FSIP1: variants seen among roughly 807,000 people sequenced by gnomAD.
The protein encoded by FSIP1 is fibrous sheath interacting protein 1.
Under a neutral mutation model 60.9 loss-of-function variants are expected in FSIP1, and 65 were observed. The ratio of observed to expected loss-of-function variants is 1.07; its 90% CI spans 0.87 to 1.31. The LOEUF (loss-of-function observed/expected upper bound fraction) is 1.31. Ranked by LOEUF, FSIP1 falls within the 40% of genes most tolerant of loss-of-function variation. The probability of loss-of-function intolerance (pLI) is 0.00; values close to 1 mark genes in which losing one functional copy is unlikely to be tolerated. For missense variants in FSIP1, 675 were observed against 665.5 expected, an observed-to-expected ratio of 1.01 and a Z score of -0.16; for synonymous variants, 209 against 221.2, an observed-to-expected ratio of 0.94 and a Z score of 0.49.
chr15:39,709,632 T>C (rs1161939067), intron 10 of FSIP1, among the ~76,000 whole-genome samples: 1 of 152,002 alleles, frequency 6.6e-6, no homozygotes, highest in African/African-American at 2.4e-5. Flanking sequence ...TCTCAGACAG[T>C]GGTCCCCAAC....
intron 8 of FSIP1, among the ~76,000 whole-genome samples, chr15:39,732,544 G>C (rs1431674353): frequency 6.6e-6 from 1 of 151,148 alleles, no homozygotes; most frequent in Non-Finnish European, 1.5e-5. Flanking sequence ...ACTTGAGCCC[G>C]GGAGGCAGGG....
intron 8 of FSIP1, among the ~76,000 whole-genome samples, chr15:39,736,661 T>C (rs1223653477): frequency 1.3e-5 from 2 of 151,990 alleles, no homozygotes; most frequent in Non-Finnish European, 2.9e-5. Context: ...TTTAGACTTA[T>C]AGCAAAAAAA....
chr15:39,608,356 A>G (rs1890901269), intron 11 of FSIP1, among the ~76,000 whole-genome samples: 1 of 152,198 alleles, frequency 6.6e-6, no homozygotes, highest in African/African-American at 2.4e-5. Context: ...CTACCCAGTG[A>G]CAGATATGCA....
intron 5 of FSIP1, among the ~76,000 whole-genome samples, chr15:39,763,358 TACAA>T: frequency 6.6e-6 from 1 of 152,094 alleles, no homozygotes; most frequent in Non-Finnish European, 1.5e-5. Flanking sequence ...CAAATATACA[TACAA>T]ACAAAGGAGA....
chr15:39,733,596 AT>A (rs1286581529), intron 8 of FSIP1, among the ~76,000 whole-genome samples: 1 of 152,136 alleles, frequency 6.6e-6, no homozygotes, highest in Non-Finnish European at 1.5e-5. Context: ...ATATACCTGA[AT>A]CCCCCTTCTC....
intron 5 of FSIP1, among the ~76,000 whole-genome samples, chr15:39,758,695 C>T (rs1211596271): frequency 2.6e-5 from 4 of 151,914 alleles, no homozygotes; most frequent in African/African-American, 7.3e-5. Flanking sequence ...CTTTTACAAT[C>T]TCTTTTTTAA....
intron 10 of FSIP1, among the ~76,000 whole-genome samples, chr15:39,676,537 C>T (rs995336285): frequency 6.6e-6 from 1 of 152,176 alleles, no homozygotes; most frequent in Non-Finnish European, 1.5e-5. Context: ...TGTGTGTTCA[C>T]GGAGCAGCTC....
At chr15:39,727,622 C>T (rs1896247781) in intron 8 of FSIP1, among the ~76,000 whole-genome samples, 1 of 152,152 alleles carries the variant, frequency 6.6e-6, no homozygotes, top group Non-Finnish European at 1.5e-5. Context: ...GAACACAGAA[C>T]AGAATCCAGA....
At chr15:39,767,833 C>T (rs1477670530) in intron 3 of FSIP1, among the ~76,000 whole-genome samples, 15 of 152,230 alleles carry the variant, frequency 9.9e-5, no homozygotes, top group Admixed American at 6.5e-4. Context: ...TCACTGAGAG[C>T]TACCTCTACC....
At chr15:39,738,249 A>C (rs1566908354) in intron 7 of FSIP1, 48 bp from the exon 8 acceptor site, 2 of 1,243,666 alleles carry the variant, frequency 1.6e-6, no homozygotes, top group Non-Finnish European at 2.3e-6. Flanking sequence ...GGAAATTCAC[A>C]GTTCAGGAAA....
intron 11 of FSIP1, among the ~76,000 whole-genome samples, chr15:39,602,947 C>T (rs979075669): frequency 2.0e-5 from 3 of 152,098 alleles, no homozygotes; most frequent in Non-Finnish European, 4.4e-5. Flanking sequence ...CCTAGAACAA[C>T]GGTCCTCAAC....
intron 10 of FSIP1, among the ~76,000 whole-genome samples, chr15:39,710,052 C>T (rs1163871581): frequency 1.3e-5 from 2 of 152,156 alleles, no homozygotes; most frequent in Non-Finnish European, 1.5e-5. Context: ...AATATCTAGT[C>T]ATCTATGAGG....
intron 10 of FSIP1, among the ~76,000 whole-genome samples, chr15:39,702,996 T>C (rs1895121371): frequency 1.3e-5 from 2 of 151,658 alleles, no homozygotes; most frequent in Non-Finnish European, 2.9e-5. Context: ...TTTTTTTTTT[T>C]TTTTAGATGG....
intron 10 of FSIP1, among the ~76,000 whole-genome samples, chr15:39,644,097 T>A (rs966712427): frequency 1.3e-5 from 2 of 152,226 alleles, no homozygotes; most frequent in African/African-American, 4.8e-5. Context: ...GACACCCAGT[T>A]ACACTTTGAG....
intron 10 of FSIP1, among the ~76,000 whole-genome samples, chr15:39,669,407 G>T (rs1458422594): frequency 1.3e-5 from 2 of 152,130 alleles, no homozygotes; most frequent in Non-Finnish European, 2.9e-5. Context: ...TCTTGGCAGT[G>T]CTTCTAAAGA....
At chr15:39,744,777 T>TCACA (rs55691651) in intron 5 of FSIP1, among the ~76,000 whole-genome samples, 8,187 of 138,000 alleles carry the variant, frequency 0.059, 290 homozygotes, top group Non-Finnish European at 0.075. Flanking sequence ...TCCCCCTCAG[T>TCACA]CACACACACA....
chr15:39,635,101 C>T (rs931108362), intron 10 of FSIP1, among the ~76,000 whole-genome samples: 6 of 152,070 alleles, frequency 3.9e-5, no homozygotes, highest in South Asian at 2.1e-4. Flanking sequence ...TTTGGGAAGC[C>T]GAGGCGGGCG....
At chr15:39,671,486 A>G (rs188839389) in intron 10 of FSIP1, among the ~76,000 whole-genome samples, 20 of 152,278 alleles carry the variant, frequency 1.3e-4, no homozygotes, top group Admixed American at 9.8e-4. Flanking sequence ...GTTATATTTT[A>G]AAAAACCTGA....
chr15:39,674,798 C>T (rs1159102586), intron 10 of FSIP1, among the ~76,000 whole-genome samples: 1 of 151,788 alleles, frequency 6.6e-6, no homozygotes, highest in African/African-American at 2.4e-5. Flanking sequence ...TTTTTAAAGA[C>T]ACAAAAGTAC....
Sources: gnomAD v4.1 joint callset for allele counts (sites outside exome capture counted in the v4.1 genomes callset) on GRCh38, gnomAD v4.1.1 for gene constraint, MANE v1.5 for transcripts, NCBI Gene and HGNC (gene_info 2026-07-23, HGNC 2026-07-21) for gene names.